The following CCDC175 variants were observed in gnomAD, a reference collection of about 807,000 sequenced individuals.
CCDC175 encodes the protein coiled-coil domain containing 175.
Under a neutral mutation model 114.6 loss-of-function variants are expected in CCDC175, and 100 were observed. The observed-to-expected ratio is 0.87, with a 90% CI of 0.74 to 1.03. The LOEUF is 1.03. Ranked by LOEUF, CCDC175 falls within the 50% of genes least tolerant of loss-of-function variation. CCDC175 has a pLI of 0.00. For synonymous variants in CCDC175, 306 were observed against 308.7 expected (o/e 0.99, Z 0.09); for missense variants, 880 against 917.8 (o/e 0.96, Z 0.53).
chr14:59,553,522 A>G (rs1895664565), intron 7 of CCDC175, among the ~76,000 whole-genome samples: 1 of 152,242 alleles, frequency 6.6e-6, no homozygotes, highest in Non-Finnish European at 1.5e-5. Context: ...GCCAAATTGT[A>G]AAGACCATCG....
chr14:59,555,943 C>T (rs577710628), intron 7 of CCDC175, among the ~76,000 whole-genome samples: 1 of 152,140 alleles, frequency 6.6e-6, no homozygotes, highest in African/African-American at 2.4e-5. Flanking sequence ...GAACTACAAA[C>T]CACTGCTCAA....
intron 6 of CCDC175, among the ~76,000 whole-genome samples, chr14:59,563,134 A>G (rs778904793): frequency 5.9e-5 from 9 of 152,232 alleles, no homozygotes; most frequent in Non-Finnish European, 8.8e-5. Context: ...TAGTATTTAC[A>G]TTAACCACTT....
intron 13 of CCDC175, among the ~76,000 whole-genome samples, chr14:59,535,900 A>G (rs1170652745): frequency 3.0e-5 from 4 of 131,544 alleles, no homozygotes; most frequent in Non-Finnish European, 6.5e-5. Context: ...AGCCAATATC[A>G]TGCTCCTTTG....
chr14:59,542,076 G>A (rs1894824511), intron 10 of CCDC175, among the ~76,000 whole-genome samples: 1 of 152,090 alleles, frequency 6.6e-6, no homozygotes, highest in South Asian at 2.1e-4. Context: ...CTATAAGCTG[G>A]CTTCTTGATT....
At chr14:59,554,727 A>G (rs1306547103) in intron 7 of CCDC175, among the ~76,000 whole-genome samples, 2 of 152,120 alleles carry the variant, frequency 1.3e-5, no homozygotes, top group African/African-American at 4.8e-5. Flanking sequence ...AGCAAGACTA[A>G]TAAAGAAGAA....
chr14:59,554,195 A>T (rs139904727), intron 7 of CCDC175, among the ~76,000 whole-genome samples: 2 of 152,240 alleles, frequency 1.3e-5, no homozygotes, highest in Non-Finnish European at 2.9e-5. Flanking sequence ...CTTATTCCAA[A>T]ATTGACCACA....
In CCDC175 at chr14:59,526,697, C is replaced by T. The variant is rs150455302; in HGVS notation, c.1842+398G>A. On this transcript the variant is annotated intron_variant, in intron 15 of 19. Coordinates refer to ENST00000537690, the MANE Select transcript of CCDC175 (RefSeq NM_001164399.2). Reference sequence around the variant, plus strand: ...AAGGCACTAAACATCTCTTTACCTGCTGCTAATTCATCCACTCCCCCACTG... The same window carrying T: ...AAGGCACTAAACATCTCTTTACCTGTTGCTAATTCATCCACTCCCCCACTG... Among the ~76,000 whole-genome samples the T allele has an allele frequency of 5.8e-4, 88 of 152,286 alleles. 2 individuals carry two copies. The highest frequency in any genetic ancestry group is 5.9e-5 in the Non-Finnish European group (4 of 68,024).
At position 59,574,903 on chromosome 14, in the gene CCDC175, T is replaced by C. The variant is rs541655462; in HGVS notation, c.243+40A>G. The C allele has an allele frequency of 2.2e-4, 231 of 1,069,768 alleles. No homozygotes were observed. The African/African-American group carries it at 3.1e-3, about 15-fold the overall frequency. The allele number at this position is 1,069,768 out of a possible 1,614,324, so 66.3% of individuals were successfully genotyped here. On this transcript the variant is annotated intron_variant, in intron 2 of 19. Coordinates refer to ENST00000537690, the MANE Select transcript of CCDC175 (RefSeq NM_001164399.2). ...CGAAATGAAAGTTTGAAGAAATATG[T>C]GGAAGATTGAAGAAATGGTTCTTAT...
chr14:59,527,738 C>T (rs759514684), intron 14 of CCDC175, among the ~76,000 whole-genome samples: 2 of 152,042 alleles, frequency 1.3e-5, no homozygotes, highest in Non-Finnish European at 2.9e-5. Flanking sequence ...AACTGTACAA[C>T]CTTTCAAATT....
At chr14:59,513,056 G>C (rs776176779) in intron 17 of CCDC175, among the ~76,000 whole-genome samples, 3 of 152,164 alleles carry the variant, frequency 2.0e-5, no homozygotes, top group African/African-American at 7.2e-5. Context: ...TTGAAAAGTT[G>C]CTAGGGTAAT....
In CCDC175 at chr14:59,576,652, C is replaced by T; in HGVS notation, c.124G>A (p.Ala42Thr). 2.0e-6 allele frequency: 3 copies of T among 1,472,804 alleles called. No homozygotes were observed. Among genetic ancestry groups the T allele is most frequent in the Non-Finnish European group, 2.7e-6 (3 of 1,119,728 alleles). The allele number at this position is 1,472,804 out of a possible 1,614,324, so 91.2% of individuals were successfully genotyped here. Residue 42 changes from alanine to threonine, a missense_variant, in exon 1 of 20, where the codon GCG (alanine) becomes ACG (threonine). Physicochemically the swap from Ala to Thr is moderately conservative, Grantham distance 58. Transcript: ENST00000537690. ...TLPSTLGSSV[A>T]VEALEQLFVV... ...AACAGCTGCTCCAGCGCCTCGACCG[C>T]GACCGAGGAGCCCAGGGTGGAGGGT...
chr14:59,511,314 TAGAA>T (rs1892727725), intron 18 of CCDC175, among the ~76,000 whole-genome samples: 1 of 152,054 alleles, frequency 6.6e-6, no homozygotes, highest in Non-Finnish European at 1.5e-5. Flanking sequence ...TTTAAATACT[TAGAA>T]AGTGGCAGAG....
chr14:59,505,252 G>A lies in CCDC175; in HGVS notation c.2369C>T (p.Thr790Ile), dbSNP rs147187247. The A allele has an allele frequency of 2.5e-4, 371 of 1,491,426 alleles. 1 individual carries two copies. The African/African-American group carries it at 4.6e-3, about 19-fold the overall frequency. The allele number at this position is 1,491,426 out of a possible 1,614,324, so 92.4% of individuals were successfully genotyped here. A position where few individuals can be genotyped will look rare whatever the true frequency, so the allele number is the denominator to read the frequency against. ...TGTATCCTTGAGTTACTTTGTTAAT[G>A]TATTTTTCTCAGTACATTTAACCAC... The part of the protein sequence containing the change: ...FPVVKCTEKN[T>I]LTK Residue 790 changes from threonine (T) to isoleucine (I), a missense_variant, in exon 20 of 20, where the codon ACA becomes ATA. By Grantham distance (89) the Thr-to-Ile change is moderately conservative. Coordinates refer to ENST00000537690, the MANE Select transcript of CCDC175 (RefSeq NM_001164399.2).
chr14:59,576,639 A>T lies in CCDC175; in HGVS notation c.137T>A (p.Leu46Gln). Reference sequence around the variant, plus strand: ...CTTACCCACAACAAACAGCTGCTCCAGCGCCTCGACCGCGACCGAGGAGCC... The same window carrying T: ...CTTACCCACAACAAACAGCTGCTCCTGCGCCTCGACCGCGACCGAGGAGCC... The part of the protein sequence containing the change: ...TLGSSVAVEA[L>Q]EQLFVVEQSL... The change falls in exon 1 of 20, where the codon CTG (leucine) becomes CAG (glutamine). Residue 46 changes from leucine (L) to glutamine (Q), a missense_variant. Leu to Gln is a moderately radical substitution (Grantham distance 113, BLOSUM62 -2). Coordinates refer to ENST00000537690, the MANE Select transcript of CCDC175 (RefSeq NM_001164399.2). 6.8e-7 allele frequency: 1 copy of T among 1,474,562 alleles called. No individual in the cohort carries two copies. Among genetic ancestry groups the T allele is most frequent in the Non-Finnish European group, 8.9e-7 (1 of 1,120,460 alleles). 91.3% of individuals were successfully genotyped at this position (1,474,562 alleles called of 1,614,324 possible). A position where few individuals can be genotyped will look rare whatever the true frequency, so the allele number is the denominator to read the frequency against.
intron 10 of CCDC175, 111 bp from the exon 11 acceptor site, chr14:59,540,857 C>T: frequency 1.1e-6 from 1 of 883,598 alleles, no homozygotes; most frequent in Non-Finnish European, 1.7e-6. Flanking sequence ...AATTGGGAGA[C>T]AAAATAAGCC....
chr14:59,551,459 A>C, intron 7 of CCDC175, 23 bp from the exon 8 acceptor site: 1 of 1,224,610 alleles, frequency 8.2e-7, no homozygotes, highest in Non-Finnish European at 1.1e-6. Flanking sequence ...GAAGCCAAAC[A>C]GATTCATATA....
chr14:59,574,879 G>A (rs999915278), intron 2 of CCDC175, 64 bp downstream of exon 2: 14 of 862,292 alleles, frequency 1.6e-5, no homozygotes, highest in South Asian at 4.8e-5. Flanking sequence ...GAATTGGTGC[G>A]AAATGAAAGT....
chr14:59,552,316 T>A (rs1895565506), intron 7 of CCDC175, among the ~76,000 whole-genome samples: 2 of 152,212 alleles, frequency 1.3e-5, no homozygotes, highest in Non-Finnish European at 2.9e-5. Context: ...TCAGCAATAT[T>A]CACTGTTCTG....
chr14:59,565,338 T>A, intron 4 of CCDC175, 63 bp from the exon 5 acceptor site: 1 of 1,275,386 alleles, frequency 7.8e-7, no homozygotes, highest in African/African-American at 1.5e-5. Context: ...ATAGTCTGTG[T>A]GGTGAGAAGA....
Sources: gnomAD v4.1 joint callset for allele counts (sites outside exome capture counted in the v4.1 genomes callset) on GRCh38, gnomAD v4.1.1 for gene constraint, MANE v1.5 for transcripts, NCBI Gene and HGNC (gene_info 2026-07-23, HGNC 2026-07-21) for gene names.